Variants in NSA2 observed in about 807,000 individuals in gnomAD.
NSA2 encodes the protein NSA2 ribosome biogenesis factor.
Under a neutral mutation model 34.8 loss-of-function variants are expected in NSA2, and 18 were observed. That is an observed-to-expected ratio of 0.52 (90% CI 0.36 to 0.77). The LOEUF is 0.77. Ranked by LOEUF, NSA2 falls within the 30% of genes least tolerant of loss-of-function variation. NSA2 has a pLI of 0.00. For missense variants in NSA2, 188 were observed against 314.7 expected (o/e 0.60, Z 3.05); for synonymous variants, 79 against 100.2 (o/e 0.79, Z 1.26).
At chr5:74,770,246 G>T (rs976068449) in intron 3 of NSA2, among the ~76,000 whole-genome samples, 2 of 151,124 alleles carry the variant, frequency 1.3e-5, no homozygotes, top group African/African-American at 4.9e-5. Context: ...CAGGAGAATT[G>T]CTTGTACCCA....
intron 5 of NSA2, among the ~76,000 whole-genome samples, chr5:74,775,540 C>T (rs1745082184): frequency 6.7e-6 from 1 of 149,754 alleles, no homozygotes; most frequent in Non-Finnish European, 1.5e-5. Flanking sequence ...TCACATGAAC[C>T]TGGAGCTTGC....
In NSA2 at chr5:74,776,784, TATTAA is replaced by T. The variant is rs1193443589; in HGVS notation, c.*117_*121del. 3.2e-6 allele frequency: 2 copies of T among 621,858 alleles called. No homozygotes were observed. The highest frequency in any genetic ancestry group is 5.9e-6 in the Non-Finnish European group (2 of 341,150). The allele number at this position is 621,858 out of a possible 1,614,324, so 38.5% of individuals were successfully genotyped here. A position where few individuals can be genotyped will look rare whatever the true frequency, so the allele number is the denominator to read the frequency against. On this transcript the variant is annotated 3_prime_UTR_variant, in exon 6 of 6. Coordinates refer to ENST00000610426, the MANE Select transcript of NSA2 (RefSeq NM_014886.6). ...CATACATGTCTGCAATGAAGAGATT[TATTAA>T]ATTGTAAACATTAAAGTGGTCCAGT...
intron 4 of NSA2, among the ~76,000 whole-genome samples, chr5:74,773,095 T>G (rs531714548): frequency 6.6e-6 from 1 of 152,120 alleles, no homozygotes; most frequent in African/African-American, 2.4e-5. Flanking sequence ...GATATTAAGG[T>G]TTGAGTCTGT....
At chr5:74,771,853 CAA>C (rs11291606) in intron 4 of NSA2, among the ~76,000 whole-genome samples, 18,131 of 75,962 alleles carry the variant, frequency 0.24, 1,091 homozygotes, top group Middle Eastern at 0.36. Flanking sequence ...GATTCTGTCT[CAA>C]AAAAAAAAAA....
In NSA2 at chr5:74,767,325, C is replaced by T. The variant is rs1245088834; in HGVS notation, c.-36C>T. ...CGAAAATTGAGAGCGTTTTCGCACT[C>T]CAGCGGCTGCTCCTGGCGGCTCTGC... On this transcript the variant is annotated 5_prime_UTR_variant, in exon 1 of 6. Transcript: ENST00000610426. 7 of 1,613,328 alleles carry T rather than the reference C, an allele frequency of 4.3e-6. No homozygotes were observed. Among genetic ancestry groups the T allele is most frequent in the Non-Finnish European group, 3.4e-6 (4 of 1,179,604 alleles).
chr5:74,768,870 C>T (rs1744814806), intron 1 of NSA2, 61 bp from the exon 2 acceptor site: 1 of 1,205,548 alleles, frequency 8.3e-7, no homozygotes, highest in Non-Finnish European at 1.1e-6. Flanking sequence ...TAAAAGAAAG[C>T]ATTTTAGAAT....
rs187164130 is a variant in NSA2, at chr5:74,767,282, T to G, written c.-79T>G. ...CTGTCCCGGCCTGCGTGGTGTGGGCTTGTGGGTCTTTGAGACCCGAAAATT... is the reference window on the plus strand; with the variant it reads ...CTGTCCCGGCCTGCGTGGTGTGGGCGTGTGGGTCTTTGAGACCCGAAAATT... On this transcript the variant is annotated 5_prime_UTR_variant, in exon 1 of 6. Transcript: ENST00000610426. 4 of 1,584,474 alleles carry G rather than the reference T, an allele frequency of 2.5e-6. No homozygotes were observed. Among genetic ancestry groups the G allele is most frequent in the Non-Finnish European group, 3.5e-6 (4 of 1,154,486 alleles).
chr5:74,769,181 A>G, intron 2 of NSA2, 33 bp from the exon 3 acceptor site: 1 of 1,594,748 alleles, frequency 6.3e-7, no homozygotes, highest in African/African-American at 1.4e-5. Flanking sequence ...TTATTAAAAC[A>G]GATAATCTTG....
At chr5:74,770,068 C>T (rs1181300012) in intron 3 of NSA2, among the ~76,000 whole-genome samples, 5 of 152,148 alleles carry the variant, frequency 3.3e-5, no homozygotes, top group African/African-American at 1.2e-4. Flanking sequence ...CCGTGACTCA[C>T]GCCTGTAATC....
rs1441758541 is a variant in NSA2, at chr5:74,779,293, T to TAAAGA, written c.*2625_*2629dup. ...CAATCTTTAAAAAACTACACTTGTC[T>TAAAGA]AAAGAAAGTCTTTTAGTGCTCACTT... On this transcript the variant is annotated 3_prime_UTR_variant, in exon 6 of 6. Transcript: ENST00000610426. 6.6e-6 allele frequency: 1 copy of TAAAGA among 152,172 alleles called. No homozygotes were observed. The highest frequency in any genetic ancestry group is 1.5e-5 in the Non-Finnish European group (1 of 68,000). 9.4% of individuals were successfully genotyped at this position (152,172 alleles called of 1,614,324 possible). A position where few individuals can be genotyped will look rare whatever the true frequency, so the allele number is the denominator to read the frequency against.
chr5:74,772,635 T>A (rs1744980893), intron 4 of NSA2, among the ~76,000 whole-genome samples: 1 of 152,178 alleles, frequency 6.6e-6, no homozygotes, highest in Admixed American at 6.5e-5. Flanking sequence ...CCGGATTATA[T>A]CATGGACTCG....
At chr5:74,776,377 G>C (rs1023922123) in intron 5 of NSA2, among the ~76,000 whole-genome samples, 5 of 152,138 alleles carry the variant, frequency 3.3e-5, no homozygotes, top group Admixed American at 3.3e-4. Context: ...AGTGGCGTGT[G>C]CCTGTGGTCC....
intron 1 of NSA2, among the ~76,000 whole-genome samples, chr5:74,767,627 A>G (rs1407854251): frequency 6.6e-6 from 1 of 152,174 alleles, no homozygotes; most frequent in Non-Finnish European, 1.5e-5. Flanking sequence ...TCCACCGCTA[A>G]GAGTCCTAAA....
At position 74,767,503 on chromosome 5, in the gene NSA2, G is replaced by A. The variant is rs551087150; in HGVS notation, c.3+140G>A. 5.8e-5 allele frequency: 59 copies of A among 1,009,376 alleles called. 2 individuals are homozygous for A. The South Asian group carries it at 6.9e-4, about 12-fold the overall frequency. 62.5% of individuals were successfully genotyped at this position (1,009,376 alleles called of 1,614,324 possible). A position where few individuals can be genotyped will look rare whatever the true frequency, so the allele number is the denominator to read the frequency against. On this transcript the variant is annotated intron_variant, in intron 1 of 5. Coordinates refer to ENST00000610426, the MANE Select transcript of NSA2 (RefSeq NM_014886.6). Reference sequence around the variant, plus strand: ...AAGAGAAAAGGATGGTAGACCCGTGGGGTGGGCTCTGAGGAGTGGAAACAA... The same window carrying A: ...AAGAGAAAAGGATGGTAGACCCGTGAGGTGGGCTCTGAGGAGTGGAAACAA...
At position 74,774,020 on chromosome 5, in the gene NSA2, C is replaced by T. The variant is rs146708731; in HGVS notation, c.675C>T (p.Ser225=). The stretch of plus-strand genomic sequence containing the variant: ...GTACTGTCATTGAAGTAAATGTGAG[C>T]GAATTGGGCCTTGTGACACAAGGAG... ...TKGTVIEVNV[S]ELGLVTQGGK... is the part of the protein sequence containing the mutation. Residue 225 remains serine (S), a synonymous_variant, in exon 5 of 6, where the codon AGC becomes AGT. Coordinates refer to ENST00000610426, the MANE Select transcript of NSA2 (RefSeq NM_014886.6). 1.2e-5 allele frequency: 19 copies of T among 1,613,564 alleles called. No individual in the cohort carries two copies. The highest frequency in any genetic ancestry group is 2.7e-5 in the African/African-American group (2 of 74,876).
intron 5 of NSA2, among the ~76,000 whole-genome samples, chr5:74,776,320 C>G (rs1745118784): frequency 6.6e-6 from 1 of 152,038 alleles, no homozygotes; most frequent in Non-Finnish European, 1.5e-5. Context: ...GGCAACATGG[C>G]AAAACCACAT....
chr5:74,777,071 T>C lies in NSA2; in HGVS notation c.*400T>C, dbSNP rs1287608951. 1 of 159,530 alleles carries C rather than the reference T, an allele frequency of 6.3e-6. No individual in the cohort carries two copies. The highest frequency in any genetic ancestry group is 2.4e-5 in the African/African-American group (1 of 41,160). 9.9% of individuals were successfully genotyped at this position (159,530 alleles called of 1,614,324 possible). A position where few individuals can be genotyped will look rare whatever the true frequency, so the allele number is the denominator to read the frequency against. On this transcript the variant is annotated 3_prime_UTR_variant, in exon 6 of 6. Transcript: ENST00000610426. Reference sequence around the variant, plus strand: ...AATCATTAATCCTAAAAAAGGTAGGTAGCATTAATACAGATGTTAAGTTTA... The same window carrying C: ...AATCATTAATCCTAAAAAAGGTAGGCAGCATTAATACAGATGTTAAGTTTA...
intron 5 of NSA2, among the ~76,000 whole-genome samples, chr5:74,775,410 T>G (rs1223828450): frequency 6.6e-6 from 1 of 151,574 alleles, no homozygotes; most frequent in East Asian, 1.9e-4. Context: ...GAGACTGGAG[T>G]TGGAGACCAG....
chr5:74,768,611 T>C (rs1466917707), intron 1 of NSA2, among the ~76,000 whole-genome samples: 1 of 152,220 alleles, frequency 6.6e-6, no homozygotes, highest in African/African-American at 2.4e-5. Flanking sequence ...TTAAATTTTT[T>C]AAATGTGAAA....
Sources: allele counts gnomAD v4.1 joint callset (sites outside exome capture counted in the v4.1 genomes callset), GRCh38; gene constraint gnomAD v4.1.1; transcripts MANE v1.5; gene names NCBI Gene and HGNC (gene_info 2026-07-23, HGNC 2026-07-21).